Variants in CD22 observed in about 807,000 individuals in gnomAD.
The protein encoded by CD22 is CD22 molecule.
Under a neutral mutation model 94.7 loss-of-function variants are expected in CD22, and 51 were observed. The ratio of observed to expected loss-of-function variants is 0.54; its 90% CI spans 0.43 to 0.68. The LOEUF is 0.68. CD22 is among the 30% of genes least tolerant of loss of function. The pLI, the probability that CD22 is intolerant of heterozygous loss-of-function variation, is 0.00. For synonymous variants in CD22, 424 were observed against 422.5 expected, an observed-to-expected ratio of 1.00 and a Z score of -0.04; for missense variants, 931 against 1,060.4, an observed-to-expected ratio of 0.88 and a Z score of 1.69.
At chr19:35,331,913 C>T in intron 1 of CD22, 106 bp from the exon 2 acceptor site, 1 of 1,586,430 alleles carries the variant, frequency 6.3e-7, no homozygotes, top group Non-Finnish European at 8.6e-7. Context: ...CAGACCCGGT[C>T]CTCCCGGATC....
rs1397125677 is a variant in CD22, at chr19:35,337,069, C to G, written c.719-686C>G. On this transcript the variant is annotated intron_variant, in intron 4 of 13. Transcript: ENST00000085219. This position sits in a 1 kb window ranked among gnomAD's most constrained non-coding sequence, Gnocchi z 4.4. ...CCTGGCTAACATGGTGAAACCCCAT[C>G]TCTAGTAAAAATACAAAAAATTAGC... is the stretch of plus-strand genomic sequence containing the variant. Among the ~76,000 whole-genome samples the G allele has an allele frequency of 6.6e-6, 1 of 152,042 alleles. No individual in the cohort carries two copies. The highest frequency in any genetic ancestry group is 6.6e-5 in the Admixed American group (1 of 15,254).
At position 35,341,212 on chromosome 19, in the gene CD22, G is replaced by A. The variant is rs959266515; in HGVS notation, c.1507+74G>A. On this transcript the variant is annotated intron_variant, in intron 7 of 13. Coordinates refer to ENST00000085219, the MANE Select transcript of CD22 (RefSeq NM_001771.4). The surrounding 1 kb of genome is among the most constrained non-coding windows in gnomAD (Gnocchi z 4.0). ...ATGAGGGGATGAAGGCAACGAGGCC[G>A]GAGCCTGGGCCAGTGTCTTCAACAG... The A allele has an allele frequency of 1.6e-5, 25 of 1,604,974 alleles. No homozygotes were observed. Among genetic ancestry groups the A allele is most frequent in the Admixed American group, 6.7e-5 (4 of 59,696 alleles).
At chr19:35,335,064 C>A (rs1274679225) in intron 3 of CD22, among the ~76,000 whole-genome samples, 1 of 113,112 alleles carries the variant, frequency 8.8e-6, no homozygotes, top group Non-Finnish European at 1.7e-5. Flanking sequence ...GGCGACAGAG[C>A]GAGACTCTGT....
At position 35,346,907 on chromosome 19, in the gene CD22, A is replaced by T. The variant is rs890945419; in HGVS notation, c.*210A>T. ...GTGAGGGTAACCCCAAACCTCCAAA[A>T]CTCCTGCCCCTGTTCTCTTCCACTC... On this transcript the variant is annotated 3_prime_UTR_variant, in exon 14 of 14. Coordinates refer to ENST00000085219, the MANE Select transcript of CD22 (RefSeq NM_001771.4). The T allele has an allele frequency of 1.9e-6, 1 of 528,944 alleles. No homozygotes were observed. Among genetic ancestry groups the T allele is most frequent in the Non-Finnish European group, 3.3e-6 (1 of 304,224 alleles). 32.8% of individuals were successfully genotyped at this position (528,944 alleles called of 1,614,324 possible). A position where few individuals can be genotyped will look rare whatever the true frequency, so the allele number is the denominator to read the frequency against.
Position 35,344,924 on chromosome 19 carries a change from C to T in CD22, c.2131C>T (p.Arg711Cys), listed in dbSNP as rs368507133. The T allele has an allele frequency of 3.4e-5, 55 of 1,612,670 alleles. 1 individual carries two copies. In the African/African-American group the frequency reaches 4.3e-4, roughly 13 times the overall value. ...AATCTGTGGGCTCAAGCTCCAGCGA[C>T]GGTGAGCTCCTGCCATCCCCCACCA... ...LAICGLKLQR[R>C]WKRTQSQQGL... Residue 711 changes from arginine (R) to cysteine (C), a missense_variant and splice_region_variant, in exon 10 of 14, where the codon CGT becomes TGT. By Grantham distance (180) the Arg-to-Cys change is radical. Coordinates refer to ENST00000085219, the MANE Select transcript of CD22 (RefSeq NM_001771.4).
At chr19:35,332,948 C>T (rs1357931924) in intron 3 of CD22, 24 bp downstream of exon 3, 2 of 1,607,052 alleles carry the variant, frequency 1.2e-6, no homozygotes, top group East Asian at 2.2e-5. Context: ...GGAGCGGGTC[C>T]TCTGCTCTGG....
At chr19:35,329,338 C>T in intron 1 of CD22, 108 bp downstream of exon 1, 1 of 613,588 alleles carries the variant, frequency 1.6e-6, no homozygotes, top group Non-Finnish European at 2.7e-6. Flanking sequence ...GGGGACCTCC[C>T]TGGCTCTCTC....
Position 35,338,161 on chromosome 19 carries a change from C to T in CD22, c.986-7C>T, listed in dbSNP as rs773997758. On this transcript the variant is annotated splice_polypyrimidine_tract_variant and splice_region_variant and intron_variant, in intron 5 of 13. Transcript: ENST00000085219. ...ACCCCTCCACTCGCCTCTGCCCCCT[C>T]TTCCAGATGCCCCGGAACCTTCCAC... 1 of 1,605,030 alleles carries T rather than the reference C, an allele frequency of 6.2e-7. No individual in the cohort carries two copies. Among genetic ancestry groups the T allele is most frequent in the Non-Finnish European group, 8.5e-7 (1 of 1,174,382 alleles).
rs781355970 is a variant in CD22 at position 35,336,235 on chromosome 19, C to T, written c.612C>T (p.Leu204=). The T allele has an allele frequency of 6.2e-7, 1 of 1,614,230 alleles. No individual in the cohort carries two copies. The highest frequency in any genetic ancestry group is 2.2e-5 in the East Asian group (1 of 44,878). The change falls in exon 4 of 14, where the codon CTC becomes CTT. Residue 204 remains leucine (L), a synonymous_variant. Transcript: ENST00000085219. ...TIKSVFTRSE[L]KFSPQWSHHG... ...AGTCTGTCTTCACCCGGAGCGAGCT[C>T]AAGTTCTCCCCACAGTGGAGTCACC...
chr19:35,330,067 G>A (rs1216176639), intron 1 of CD22: 1 of 152,232 alleles, frequency 6.6e-6, no homozygotes, highest in Non-Finnish European at 1.5e-5. Flanking sequence ...GCTCACGCCT[G>A]TCATCTCAGC....
Position 35,338,321 on chromosome 19 carries a change from A to G in CD22, c.1139A>G (p.Lys380Arg). The G allele has an allele frequency of 6.2e-7, 1 of 1,614,258 alleles. No homozygotes were observed. The highest frequency in any genetic ancestry group is 8.5e-7 in the Non-Finnish European group (1 of 1,180,048). ...GAAATGCAGGGAAGGACAGAGGAGA[A>G]AGTCCACATCCCAAAGATCCTCCCC... is the stretch of plus-strand genomic sequence containing the variant. ...GKEMQGRTEE[K>R]VHIPKILPWH... Residue 380 changes from lysine to arginine, a missense_variant, in exon 6 of 14, where the codon AAA (lysine) becomes AGA (arginine). Transcript: ENST00000085219.
intron 2 of CD22, 96 bp from the exon 3 acceptor site, chr19:35,332,451 A>G (rs1210983758): frequency 3.1e-6 from 4 of 1,306,504 alleles, no homozygotes; most frequent in Non-Finnish European, 3.1e-6. Flanking sequence ...TATCTCTAAA[A>G]AGAATAAAAA....
chr19:35,335,524 T>A (rs893289596), intron 3 of CD22, among the ~76,000 whole-genome samples: 1 of 151,692 alleles, frequency 6.6e-6, no homozygotes, highest in Admixed American at 6.6e-5. Context: ...GCCACTGCAC[T>A]CCAGCCTGGG....
intron 9 of CD22, among the ~76,000 whole-genome samples, chr19:35,343,099 A>AT (rs762734941): frequency 0.012 from 1,599 of 132,928 alleles, 21 homozygotes; most frequent in South Asian, 0.031. Flanking sequence ...CACCCGGCTG[A>AT]TTTTTTTTTT....
intron 6 of CD22, among the ~76,000 whole-genome samples, chr19:35,339,278 T>C (rs1163605010): frequency 1.3e-5 from 2 of 151,580 alleles, no homozygotes; most frequent in African/African-American, 4.9e-5. Flanking sequence ...ATTATAGGTG[T>C]GAGCTGGGCA....
At chr19:35,336,684 G>A in intron 4 of CD22, 1 of 275,126 alleles carries the variant, frequency 3.6e-6, no homozygotes, top group Non-Finnish European at 7.0e-6. Flanking sequence ...CCTTATTACG[G>A]CTGCCAATGG....
intron 9 of CD22, among the ~76,000 whole-genome samples, chr19:35,342,519 G>A (rs1471966606): frequency 6.6e-5 from 10 of 152,040 alleles, no homozygotes; most frequent in South Asian, 4.2e-4. Context: ...GTGACTTCCC[G>A]AAAAGCCTTC....
chr19:35,345,169 G>T, intron 11 of CD22, 43 bp downstream of exon 11: 1 of 1,569,920 alleles, frequency 6.4e-7, no homozygotes, highest in African/African-American at 1.3e-5. Flanking sequence ...TGTAATCCCA[G>T]CACTTTGGGA....
chr19:35,347,002 C>A lies in CD22; in HGVS notation c.*305C>A, dbSNP rs573581996. On this transcript the variant is annotated 3_prime_UTR_variant, in exon 14 of 14. Coordinates refer to ENST00000085219, the MANE Select transcript of CD22 (RefSeq NM_001771.4). ...ACACCTCCCCCTGCCCCCACCACGG[C>A]CACTGGCCATCTCCACCCCCAGCTG... 4.4e-4 allele frequency: 122 copies of A among 277,236 alleles called. No homozygotes were observed. Among genetic ancestry groups the A allele is most frequent in the African/African-American group, 2.6e-3 (116 of 44,670 alleles). The allele number at this position is 277,236 out of a possible 1,614,324, so 17.2% of individuals were successfully genotyped here.
Sources: gnomAD v4.1 joint callset for allele counts (sites outside exome capture counted in the v4.1 genomes callset) on GRCh38, gnomAD v4.1.1 for gene constraint, Gnocchi (gnomAD v3.1) non-coding constraint, MANE v1.5 for transcripts, NCBI Gene and HGNC (gene_info 2026-07-23, HGNC 2026-07-21) for gene names.